Variants in MRPS28 observed in about 807,000 individuals in gnomAD.
The protein encoded by MRPS28 is mitochondrial ribosomal protein S28.
In MRPS28, 7 loss-of-function variants were observed where a neutral mutation model predicts 10.8. That is an observed-to-expected ratio of 0.65 (90% confidence interval 0.37 to 1.22). The LOEUF (loss-of-function observed/expected upper bound fraction) is 1.22, where lower values mean the gene tolerates loss of function less well. Ranked by LOEUF, MRPS28 falls within the 50% of genes most tolerant of loss-of-function variation. MRPS28 has a pLI of 0.02. For synonymous variants in MRPS28, 121 were observed against 93.3 expected, an observed-to-expected ratio of 1.30 and a Z score of -1.71; for missense variants, 265 against 232.9, an observed-to-expected ratio of 1.14 and a Z score of -0.90.
At chr8:79,919,278 G>A in intron 2 of MRPS28, 130 bp from the exon 3 acceptor site, 1 of 591,706 alleles carries the variant, frequency 1.7e-6, no homozygotes. Flanking sequence ...TGGTATCTTA[G>A]AAATAGCTGT....
At chr8:80,008,424 G>A (rs1808928913) in intron 1 of MRPS28, among the ~76,000 whole-genome samples, 1 of 152,128 alleles carries the variant, frequency 6.6e-6, no homozygotes, top group Admixed American at 6.5e-5. Flanking sequence ...TTGACAAATG[G>A]GATCTAATTA....
intron 2 of MRPS28, among the ~76,000 whole-genome samples, chr8:79,959,948 C>T (rs1807331342): frequency 2.6e-5 from 4 of 152,226 alleles, no homozygotes; most frequent in South Asian, 2.1e-4. Context: ...TTGATTTAAA[C>T]GTCTCAACAC....
chr8:79,954,517 T>C (rs1362975178), intron 2 of MRPS28, among the ~76,000 whole-genome samples: 1 of 152,214 alleles, frequency 6.6e-6, no homozygotes, highest in Non-Finnish European at 1.5e-5. Flanking sequence ...CTCTGCCTTC[T>C]GGGTTCTTGG....
intron 2 of MRPS28, among the ~76,000 whole-genome samples, chr8:79,924,396 T>C (rs1254988864): frequency 2.0e-5 from 3 of 152,192 alleles, no homozygotes; most frequent in Non-Finnish European, 2.9e-5. Flanking sequence ...CTCACAGTCA[T>C]ACCAATCTAT....
chr8:79,969,280 G>T (rs923906970), intron 2 of MRPS28, among the ~76,000 whole-genome samples: 1 of 152,162 alleles, frequency 6.6e-6, no homozygotes, highest in Admixed American at 6.5e-5. Flanking sequence ...ATTTATGTGA[G>T]AAGGGCTTAG....
intron 2 of MRPS28, among the ~76,000 whole-genome samples, chr8:80,002,170 G>A (rs757317158): frequency 4.8e-4 from 73 of 152,062 alleles, no homozygotes; most frequent in Non-Finnish European, 9.6e-4. Flanking sequence ...TAGGTCTACA[G>A]TAGACTCTTC....
At chr8:79,929,552 A>C (rs1416786006) in intron 2 of MRPS28, among the ~76,000 whole-genome samples, 1 of 152,148 alleles carries the variant, frequency 6.6e-6, no homozygotes, top group South Asian at 2.1e-4. Context: ...CTGAATTTGC[A>C]AGGGTTTAAT....
In MRPS28 at chr8:79,919,053, T is replaced by G; in HGVS notation, c.491A>C (p.Glu164Ala). The change falls in exon 3 of 3, where the codon GAG (glutamate) becomes GCG (alanine). Residue 164 changes from glutamate to alanine, a missense_variant. Coordinates refer to ENST00000276585, the MANE Select transcript of MRPS28 (RefSeq NM_014018.3). The stretch of plus-strand genomic sequence containing the variant: ...GATTCCCAAGAGAACTGCATTAGCC[T>G]CTAGTACAGTTGTATCTGTTGTTGC... The part of the protein sequence containing the change: ...LGATTDTTVL[E>A]ANAVLLGIQE... 7 of 1,610,784 alleles carry G rather than the reference T, an allele frequency of 4.3e-6. No homozygotes were observed. The highest frequency in any genetic ancestry group is 5.9e-6 in the Non-Finnish European group (7 of 1,178,566).
chr8:80,012,074 G>T (rs1401565021), intron 1 of MRPS28, among the ~76,000 whole-genome samples: 1 of 152,010 alleles, frequency 6.6e-6, no homozygotes, highest in African/African-American at 2.4e-5. Flanking sequence ...TAAAGTTATA[G>T]TTACTTTTTA....
At chr8:79,975,865 T>A (rs1807782500) in intron 2 of MRPS28, among the ~76,000 whole-genome samples, 1 of 152,154 alleles carries the variant, frequency 6.6e-6, no homozygotes, top group Non-Finnish European at 1.5e-5. Context: ...CCAAAATCTA[T>A]ATACAGATAA....
rs140365186 is a variant in MRPS28 at position 79,945,668 on chromosome 8, G to A, written c.396-26520C>T. Among the ~76,000 whole-genome samples the A allele has an allele frequency of 5.4e-3, 817 of 152,194 alleles. 16 individuals are homozygous for A. Among genetic ancestry groups the A allele is most frequent in the Admixed American group, 0.038 (582 of 15,278 alleles). On this transcript the variant is annotated intron_variant, in intron 2 of 2. Transcript: ENST00000276585. ...TATTTTACCACAATAAAAACAATAC[G>A]TGGCAGACATGTTACAGAAATTAAG...
At chr8:79,938,239 C>T (rs1292218052) in intron 2 of MRPS28, among the ~76,000 whole-genome samples, 2 of 145,740 alleles carry the variant, frequency 1.4e-5, no homozygotes, top group Non-Finnish European at 3.0e-5. Flanking sequence ...TGGGGGGGGG[C>T]ATGCTCCTCC....
intron 2 of MRPS28, among the ~76,000 whole-genome samples, chr8:79,953,008 C>G (rs1807116917): frequency 6.6e-6 from 1 of 152,076 alleles, no homozygotes; most frequent in African/African-American, 2.4e-5. Context: ...TCTTGAGAAG[C>G]CATGGAGCTG....
At chr8:79,987,139 G>A (rs1808209194) in intron 2 of MRPS28, among the ~76,000 whole-genome samples, 1 of 151,862 alleles carries the variant, frequency 6.6e-6, no homozygotes, top group Non-Finnish European at 1.5e-5. Context: ...ACAACTATCT[G>A]ATCTTTGACA....
intron 2 of MRPS28, among the ~76,000 whole-genome samples, chr8:79,989,679 A>G (rs1403015936): frequency 1.3e-5 from 2 of 152,210 alleles, no homozygotes; most frequent in African/African-American, 4.8e-5. Context: ...TACAAACATA[A>G]CTGCAGTGAT....
At chr8:79,994,053 GC>G (rs1808432639) in intron 2 of MRPS28, among the ~76,000 whole-genome samples, 1 of 152,168 alleles carries the variant, frequency 6.6e-6, no homozygotes, top group African/African-American at 2.4e-5. Flanking sequence ...ATGATAGAGA[GC>G]CAGCATAGAG....
chr8:80,007,408 GA>G (rs1400193335), intron 1 of MRPS28, among the ~76,000 whole-genome samples: 1 of 152,172 alleles, frequency 6.6e-6, no homozygotes, highest in African/African-American at 2.4e-5. Context: ...CACAGTGTTG[GA>G]AGTTCTAGCC....
chr8:79,942,433 T>C (rs191703640), intron 2 of MRPS28, among the ~76,000 whole-genome samples: 54 of 152,338 alleles, frequency 3.5e-4, no homozygotes, highest in Admixed American at 3.2e-3. Flanking sequence ...GATGACATCT[T>C]TGGGATTTTG....
At chr8:79,938,701 G>C (rs1345171367) in intron 2 of MRPS28, among the ~76,000 whole-genome samples, 1 of 152,126 alleles carries the variant, frequency 6.6e-6, no homozygotes, top group African/African-American at 2.4e-5. Flanking sequence ...CCACAGAAGA[G>C]CATCTGTACA....
Sources: allele counts gnomAD v4.1 joint callset (sites outside exome capture counted in the v4.1 genomes callset), GRCh38; gene constraint gnomAD v4.1.1; transcripts MANE v1.5; gene names NCBI Gene and HGNC (gene_info 2026-07-23, HGNC 2026-07-21).